The following INPP5F variants were observed in gnomAD, a reference collection of about 807,000 sequenced individuals.
INPP5F encodes phosphatidylinositide 4-phosphatase SAC2.
A neutral mutation model predicts 137.2 loss-of-function variants in INPP5F; 97 were observed. That is an observed-to-expected ratio of 0.71 (90% CI 0.60 to 0.84). The LOEUF (loss-of-function observed/expected upper bound fraction) is 0.84, where lower values mean the gene tolerates loss of function less well. Among genes scored for constraint, INPP5F ranks in the 40% least tolerant of loss-of-function variants. The pLI is 0.00. For missense variants in INPP5F, 1,271 were observed against 1,371.9 expected (o/e 0.93, Z 1.16); for synonymous variants, 504 against 476.9 (o/e 1.06, Z -0.74).
At chr10:119,822,370 C>T (rs1851601470) in intron 16 of INPP5F, 61 bp from the exon 17 acceptor site, 6 of 895,800 alleles carry the variant, frequency 6.7e-6, no homozygotes, top group Middle Eastern at 2.3e-4. Context: ...TATGCCTTCC[C>T]TGACAAGCCA....
intron 2 of INPP5F, among the ~76,000 whole-genome samples, chr10:119,760,302 A>C (rs930358352): frequency 6.6e-6 from 1 of 152,160 alleles, no homozygotes; most frequent in African/African-American, 2.4e-5. Flanking sequence ...AGCTGGGTGC[A>C]GTGGCGCGTG....
intron 9 of INPP5F, among the ~76,000 whole-genome samples, chr10:119,799,778 A>C (rs886536127): frequency 1.3e-5 from 2 of 152,206 alleles, no homozygotes; most frequent in Admixed American, 1.3e-4. Context: ...TATGAACCTA[A>C]ATGTGAAAGG....
chr10:119,775,158 A>G (rs1849482153), intron 2 of INPP5F, among the ~76,000 whole-genome samples: 1 of 152,104 alleles, frequency 6.6e-6, no homozygotes, highest in South Asian at 2.1e-4. Context: ...CCTTAGGGGG[A>G]AAAATCAATC....
Position 119,827,012 on chromosome 10 carries a change from C to T in INPP5F, c.2631C>T (p.Asn877=). The change falls in exon 20 of 20, where the codon AAC becomes AAT. Residue 877 remains asparagine, a synonymous_variant. Coordinates refer to ENST00000650623, the MANE Select transcript of INPP5F (RefSeq NM_014937.4). ...SKSDEDRQLA[N]SLESVGPIDY... ...CTGATGAAGACAGGCAGCTAGCTAA[C>T]TCATTAGAGAGTGTAGGGCCAATAG... 6.2e-7 allele frequency: 1 copy of T among 1,614,150 alleles called. No homozygotes were observed. The highest frequency in any genetic ancestry group is 8.5e-7 in the Non-Finnish European group (1 of 1,180,014).
At position 119,806,439 on chromosome 10, in the gene INPP5F, G is replaced by A. The variant is rs202230159; in HGVS notation, c.1399G>A (p.Val467Met). ...TATGGACTGCCTGGATCGCACCAAC[G>A]TGGTCCAAGCTGCCATCGCGAGAGT... ...NCMDCLDRTN[V>M]VQAAIARVVM... Residue 467 changes from valine to methionine, a missense_variant, in exon 12 of 20, where the codon GTG becomes ATG. By Grantham distance (21) the Val-to-Met change is conservative (BLOSUM62 1). Coordinates refer to ENST00000650623, the MANE Select transcript of INPP5F (RefSeq NM_014937.4). The A allele has an allele frequency of 4.3e-6, 7 of 1,609,940 alleles. No individual in the cohort carries two copies. The highest frequency in any genetic ancestry group is 5.9e-6 in the Non-Finnish European group (7 of 1,178,244).
chr10:119,797,614 A>G lies in INPP5F; in HGVS notation c.1022A>G (p.Tyr341Cys), dbSNP rs1850431610. 2 of 1,613,084 alleles carry G rather than the reference A, an allele frequency of 1.2e-6. No individual in the cohort carries two copies. The highest frequency in any genetic ancestry group is 1.7e-6 in the Non-Finnish European group (2 of 1,179,502). The change falls in exon 8 of 20, where the codon TAT becomes TGT. Residue 341 changes from tyrosine (Y) to cysteine (C), a missense_variant. Around this residue, in one of 6 missense-constraint regions of INPP5F, gnomAD observed 593 missense variants for 712.4 expected, o/e 0.83. Coordinates refer to ENST00000650623, the MANE Select transcript of INPP5F (RefSeq NM_014937.4). ...TTTTGGAGCCAGGTTGGGTATCGAT[A>G]TAACCCAAGACCGCGGCTGGACAGA... is the stretch of plus-strand genomic sequence containing the variant. ...PVFWSQVGYR[Y>C]NPRPRLDRSE...
intron 1 of INPP5F, among the ~76,000 whole-genome samples, chr10:119,736,415 C>G (rs76407998): frequency 0.054 from 8,192 of 152,292 alleles, 269 homozygotes; most frequent in South Asian, 0.13. Context: ...GTCCTCCTGC[C>G]TCAACCTCCC....
intron 9 of INPP5F, chr10:119,799,328 A>G: frequency 2.2e-6 from 1 of 449,526 alleles, no homozygotes; most frequent in Admixed American, 2.4e-5. Context: ...ATGAAGTAGG[A>G]AGAAACAGCC....
intron 3 of INPP5F, among the ~76,000 whole-genome samples, chr10:119,785,322 G>T (rs1290290993): frequency 8.2e-6 from 1 of 122,086 alleles, no homozygotes; most frequent in Non-Finnish European, 1.7e-5. Context: ...GCCTCGCTCT[G>T]TCGCCCAGGC....
chr10:119,783,956 G>A (rs1849790489), intron 3 of INPP5F, among the ~76,000 whole-genome samples: 1 of 152,010 alleles, frequency 6.6e-6, no homozygotes, highest in African/African-American at 2.4e-5. Context: ...TGAATAGTTT[G>A]GTACACCTTT....
At chr10:119,788,880 C>G (rs1314830892) in intron 3 of INPP5F, among the ~76,000 whole-genome samples, 1 of 152,092 alleles carries the variant, frequency 6.6e-6, no homozygotes, top group Non-Finnish European at 1.5e-5. Flanking sequence ...AAATAGCGGA[C>G]CTTTGATAGA....
intron 6 of INPP5F, among the ~76,000 whole-genome samples, chr10:119,795,450 G>A (rs1480403393): frequency 6.6e-6 from 1 of 150,532 alleles, no homozygotes; most frequent in African/African-American, 2.4e-5. Context: ...GGGCGGCAGG[G>A]CAGAGGTGCT....
intron 3 of INPP5F, among the ~76,000 whole-genome samples, chr10:119,790,993 C>T (rs1399528222): frequency 2.0e-5 from 3 of 152,166 alleles, no homozygotes; most frequent in African/African-American, 7.2e-5. Context: ...AAGCTGATTT[C>T]ATTAGTGCAT....
intron 3 of INPP5F, among the ~76,000 whole-genome samples, chr10:119,784,767 A>C (rs1473486383): frequency 6.6e-6 from 1 of 152,242 alleles, no homozygotes; most frequent in Non-Finnish European, 1.5e-5. Context: ...TAGTGTATTC[A>C]GAGTCATGTG....
intron 1 of INPP5F, among the ~76,000 whole-genome samples, chr10:119,745,014 G>A (rs767960276): frequency 2.0e-4 from 30 of 150,024 alleles, no homozygotes; most frequent in African/African-American, 4.7e-4. Context: ...TTTTTAAGTC[G>A]AAATCTTATT....
chr10:119,738,747 C>T (rs1029213004), intron 1 of INPP5F, among the ~76,000 whole-genome samples: 1 of 152,200 alleles, frequency 6.6e-6, no homozygotes, highest in African/African-American at 2.4e-5. Flanking sequence ...ACACAACACA[C>T]ACAGTCTCCC....
At chr10:119,763,520 C>T (rs1168479351) in intron 2 of INPP5F, among the ~76,000 whole-genome samples, 2 of 152,192 alleles carry the variant, frequency 1.3e-5, no homozygotes, top group African/African-American at 4.8e-5. Context: ...CCTGTAAAAC[C>T]CAGGAAGACT....
intron 3 of INPP5F, among the ~76,000 whole-genome samples, chr10:119,788,213 C>T (rs1420052139): frequency 1.3e-5 from 2 of 152,024 alleles, no homozygotes; most frequent in African/African-American, 4.8e-5. Context: ...GATGCTGAGT[C>T]TGAGGGTCTA....
intron 2 of INPP5F, among the ~76,000 whole-genome samples, chr10:119,755,670 TA>T (rs1564810154): frequency 6.6e-6 from 1 of 152,212 alleles, no homozygotes; most frequent in Non-Finnish European, 1.5e-5. Context: ...TTCAGTGTGA[TA>T]GGCCAGTCCT....
Sources: gnomAD v4.1 joint callset for allele counts (sites outside exome capture counted in the v4.1 genomes callset) on GRCh38, gnomAD v4.1.1 for gene constraint, gnomAD v4.1.1 regional missense constraint, MANE v1.5 for transcripts, NCBI Gene and HGNC (gene_info 2026-07-23, HGNC 2026-07-21) for gene names.